The following MICU2 variants were observed in gnomAD, a reference collection of about 807,000 sequenced individuals.
MICU2 encodes mitochondrial calcium uptake 2, also known as calcium uptake protein 2, mitochondrial.
In MICU2, 64 loss-of-function variants were observed where a neutral mutation model predicts 60.4. That is an observed-to-expected ratio of 1.06 (90% CI 0.87 to 1.31). The LOEUF is 1.31. Among genes scored for constraint, MICU2 ranks in the 50% most tolerant of loss-of-function variants. The pLI, the probability that MICU2 is intolerant of heterozygous loss-of-function variation, is 0.00. For missense variants in MICU2, 569 were observed against 531.0 expected (o/e 1.07, Z -0.70); for synonymous variants, 201 against 175.0 (o/e 1.15, Z -1.17).
chr13:21,596,669 C>T (rs1888698922), intron 1 of MICU2, among the ~76,000 whole-genome samples: 1 of 152,110 alleles, frequency 6.6e-6, no homozygotes, highest in African/African-American at 2.4e-5. Context: ...AGCGATACAC[C>T]CGCCTCGGCC....
intron 2 of MICU2, among the ~76,000 whole-genome samples, chr13:21,553,164 T>A (rs1887616779): frequency 6.6e-6 from 1 of 152,178 alleles, no homozygotes; most frequent in East Asian, 1.9e-4. Context: ...GTAAGTTGGA[T>A]TCCTAGGTAT....
At chr13:21,580,953 T>C (rs565748017) in intron 1 of MICU2, among the ~76,000 whole-genome samples, 21 of 152,024 alleles carry the variant, frequency 1.4e-4, no homozygotes, top group African/African-American at 5.1e-4. Flanking sequence ...TGGGTTAGAA[T>C]AGAGAATGTA....
At chr13:21,560,677 T>A (rs1887819583) in intron 2 of MICU2, among the ~76,000 whole-genome samples, 1 of 152,124 alleles carries the variant, frequency 6.6e-6, no homozygotes, top group African/African-American at 2.4e-5. Flanking sequence ...CACATTTACC[T>A]ACCCCATTGG....
chr13:21,554,496 T>C lies in MICU2; in HGVS notation c.358+12301A>G, dbSNP rs1887652765. Among the ~76,000 whole-genome samples the C allele has an allele frequency of 3.9e-5, 6 of 152,050 alleles. No individual in the cohort carries two copies. The South Asian group carries it at 1.2e-3, about 32-fold the overall frequency. ...TCTTTGAAACCAACGAGAACAAAGA[T>C]ACAACATACCAGAATCTCTGGGACA... On this transcript the variant is annotated intron_variant, in intron 2 of 11. Coordinates refer to ENST00000382374, the MANE Select transcript of MICU2 (RefSeq NM_152726.3).
chr13:21,596,690 C>A (rs572041187), intron 1 of MICU2, among the ~76,000 whole-genome samples: 1 of 152,294 alleles, frequency 6.6e-6, no homozygotes, highest in African/African-American at 2.4e-5. Flanking sequence ...TCCCAAAGTG[C>A]TGGGATGACA....
intron 9 of MICU2, among the ~76,000 whole-genome samples, chr13:21,496,993 C>T (rs1354069062): frequency 6.6e-6 from 1 of 151,944 alleles, no homozygotes; most frequent in African/African-American, 2.4e-5. Context: ...ACCCAGGAGG[C>T]AGAGCTTGCA....
chr13:21,514,561 T>C, intron 6 of MICU2, 143 bp from the exon 7 acceptor site: 1 of 588,712 alleles, frequency 1.7e-6, no homozygotes. Context: ...TGAGATGGAG[T>C]CTTACTCTGT....
At chr13:21,559,096 T>A (rs1227747309) in intron 2 of MICU2, among the ~76,000 whole-genome samples, 1 of 152,190 alleles carries the variant, frequency 6.6e-6, no homozygotes, top group Non-Finnish European at 1.5e-5. Context: ...TAGATTTTCT[T>A]AAACAGATGT....
At chr13:21,517,770 G>GACACACACACACAC (rs374373614) in intron 6 of MICU2, among the ~76,000 whole-genome samples, 30 of 144,610 alleles carry the variant, frequency 2.1e-4, no homozygotes, top group African/African-American at 7.3e-4. Context: ...ACAGAGCGAG[G>GACACACACACACAC]ACACACACAC....
intron 4 of MICU2, among the ~76,000 whole-genome samples, chr13:21,538,258 A>T (rs1391208180): frequency 1.3e-5 from 2 of 151,830 alleles, no homozygotes; most frequent in East Asian, 3.9e-4. Context: ...GCATTCAACC[A>T]ACCGTGTATC....
intron 4 of MICU2, among the ~76,000 whole-genome samples, chr13:21,529,321 G>A (rs1324338589): frequency 7.2e-5 from 11 of 152,176 alleles, no homozygotes; most frequent in Admixed American, 7.2e-4. Context: ...TGTTGGTTTA[G>A]GGGGAAGACG....
At chr13:21,536,552 T>C (rs1269352831) in intron 4 of MICU2, among the ~76,000 whole-genome samples, 1 of 152,138 alleles carries the variant, frequency 6.6e-6, no homozygotes, top group Non-Finnish European at 1.5e-5. Flanking sequence ...AGACTGGTCT[T>C]GAACTCCTGG....
intron 2 of MICU2, among the ~76,000 whole-genome samples, chr13:21,548,810 G>A (rs1401011489): frequency 6.6e-6 from 1 of 152,138 alleles, no homozygotes; most frequent in African/African-American, 2.4e-5. Context: ...GAATCTAAGA[G>A]AGGGAGGTAG....
At chr13:21,593,125 C>T (rs997537955) in intron 1 of MICU2, among the ~76,000 whole-genome samples, 1 of 152,176 alleles carries the variant, frequency 6.6e-6, no homozygotes, top group Non-Finnish European at 1.5e-5. Context: ...ATCGCATCAT[C>T]TCAGCCCAAA....
chr13:21,546,047 T>G (rs1566155318), intron 2 of MICU2, among the ~76,000 whole-genome samples: 1 of 152,106 alleles, frequency 6.6e-6, no homozygotes, highest in Non-Finnish European at 1.5e-5. Context: ...AATCAATAAA[T>G]AAAACATTTT....
At chr13:21,589,818 T>TTAGTTTAGCCTGTGCAGTC (rs1208870210) in intron 1 of MICU2, among the ~76,000 whole-genome samples, 1 of 152,146 alleles carries the variant, frequency 6.6e-6, no homozygotes, top group Non-Finnish European at 1.5e-5. Context: ...CCAATTGAAA[T>TTAGTTTAGCCTGTGCAGTC]TAGTTTAGCC....
intron 2 of MICU2, among the ~76,000 whole-genome samples, chr13:21,555,041 CA>C (rs1197701276): frequency 1.3e-5 from 2 of 151,946 alleles, no homozygotes; most frequent in Non-Finnish European, 2.9e-5. Context: ...TCTTACCAAC[CA>C]AAAAAAGTCC....
intron 4 of MICU2, among the ~76,000 whole-genome samples, chr13:21,527,637 A>G (rs1156770727): frequency 1.3e-5 from 2 of 152,222 alleles, no homozygotes; most frequent in African/African-American, 2.4e-5. Flanking sequence ...AGCTTAATAT[A>G]TATTTGTTAT....
chr13:21,503,001 C>T lies in MICU2; in HGVS notation c.858G>A (p.Trp286Ter). 3 of 1,610,952 alleles carry T rather than the reference C, an allele frequency of 1.9e-6. No homozygotes were observed. The highest frequency in any genetic ancestry group is 1.7e-6 in the Non-Finnish European group (2 of 1,178,962). The change falls in exon 9 of 12, where the codon TGG (tryptophan) becomes TGA (stop). Residue 286 changes from tryptophan (W) to a stop codon, truncating the protein, a stop_gained. Transcript: ENST00000382374. LOFTEE classifies it high-confidence loss of function. ...SFMRKEDFAEWLLFFTNTENK... is the reference protein window; with the variant it reads ...SFMRKEDFAE ...TTTCAGTGTTAGTGAAAAAAAGTAG[C>T]CACTCTGCAAAGTCTTCTTTTCTCA...
Sources: allele counts gnomAD v4.1 joint callset (sites outside exome capture counted in the v4.1 genomes callset), GRCh38; gene constraint gnomAD v4.1.1; transcripts MANE v1.5; gene names NCBI Gene and HGNC (gene_info 2026-07-23, HGNC 2026-07-21).